TBC1D14: variants seen among roughly 807,000 people sequenced by gnomAD.
The protein encoded by TBC1D14 is TBC1 domain family, member 14.
TBC1D14 carries 26 observed loss-of-function variants against 79.0 expected under a neutral mutation model. The ratio of observed to expected loss-of-function variants is 0.33; its 90% CI spans 0.24 to 0.46. The LOEUF (loss-of-function observed/expected upper bound fraction) is 0.46, where lower values mean the gene tolerates loss of function less well. Ranked by LOEUF, TBC1D14 falls within the 20% of genes least tolerant of loss-of-function variation. The pLI, the probability that TBC1D14 is intolerant of heterozygous loss-of-function variation, is 1.00. For missense variants in TBC1D14, 769 were observed against 887.6 expected (o/e 0.87, Z 1.70); for synonymous variants, 394 against 349.9 (o/e 1.13, Z -1.40).
intron 2 of TBC1D14, among the ~76,000 whole-genome samples, chr4:6,939,239 T>TCCTCCTGCAGGCCTGGAGACC (rs1712653778): frequency 6.6e-6 from 1 of 152,078 alleles, no homozygotes; most frequent in South Asian, 2.1e-4. Context: ...GTCCCTGCTG[T>TCCTCCTGCAGGCCTGGAGACC]CCTCCTGCAG....
chr4:6,954,337 A>G (rs1338063606), intron 2 of TBC1D14: 2 of 717,482 alleles, frequency 2.8e-6, no homozygotes, highest in Admixed American at 4.0e-5. Context: ...GTTCATGGAC[A>G]GGTTTGTGGC....
At chr4:6,957,715 C>G (rs919331837) in intron 2 of TBC1D14, among the ~76,000 whole-genome samples, 1 of 152,166 alleles carries the variant, frequency 6.6e-6, no homozygotes, top group African/African-American at 2.4e-5. Context: ...AGTTCGAGAC[C>G]GGCCTGGGCC....
chr4:6,960,021 C>T (rs56178503), intron 2 of TBC1D14, among the ~76,000 whole-genome samples: 16,282 of 151,052 alleles, frequency 0.11, 1,549 homozygotes, highest in African/African-American at 0.25. Flanking sequence ...TTGCATGGCT[C>T]AGAAATCAAA....
rs1332435149 is a variant in TBC1D14, at chr4:7,010,535, G to A, written c.1519-118G>A. The A allele has an allele frequency of 7.9e-6, 10 of 1,267,108 alleles. No individual in the cohort carries two copies. In the East Asian group the frequency reaches 2.5e-4, roughly 32 times the overall value. 78.5% of individuals were successfully genotyped at this position (1,267,108 alleles called of 1,614,324 possible). On this transcript the variant is annotated intron_variant, in intron 10 of 13. Coordinates refer to ENST00000409757, the MANE Select transcript of TBC1D14 (RefSeq NM_020773.3). The stretch of plus-strand genomic sequence containing the variant: ...CAGCGTTGGGTGGCCGGAGGAGTGG[G>A]GCGGCTCTAGGGACACTTCTAGTGT...
intron 5 of TBC1D14, among the ~76,000 whole-genome samples, chr4:6,998,530 T>C (rs1211710405): frequency 2.0e-5 from 3 of 150,750 alleles, no homozygotes; most frequent in Non-Finnish European, 4.4e-5. Flanking sequence ...GTAACAATTG[T>C]GTTCTTTTTT....
intron 2 of TBC1D14, among the ~76,000 whole-genome samples, chr4:6,939,008 C>T (rs1177087258): frequency 6.6e-6 from 1 of 152,210 alleles, no homozygotes; most frequent in Non-Finnish European, 1.5e-5. Flanking sequence ...TGGGAAAGCA[C>T]CGTGGACACC....
chr4:6,930,620 A>G (rs1373581434), intron 2 of TBC1D14, among the ~76,000 whole-genome samples: 1 of 152,076 alleles, frequency 6.6e-6, no homozygotes, highest in Admixed American at 6.6e-5. Flanking sequence ...TAACATGGCG[A>G]AACTCCATCT....
At chr4:6,963,375 C>G (rs1715414387) in intron 2 of TBC1D14, among the ~76,000 whole-genome samples, 2 of 152,238 alleles carry the variant, frequency 1.3e-5, no homozygotes, top group Admixed American at 6.5e-5. Flanking sequence ...CTGCTGGACT[C>G]CGGAGCAGCA....
chr4:7,014,059 T>A (rs1489522614), intron 11 of TBC1D14, among the ~76,000 whole-genome samples: 1 of 152,208 alleles, frequency 6.6e-6, no homozygotes, highest in African/African-American at 2.4e-5. Flanking sequence ...TCCAGATACT[T>A]TTACACGTTC....
chr4:7,030,256 C>A, intron 13 of TBC1D14, 71 bp from the exon 14 acceptor site: 1 of 1,498,898 alleles, frequency 6.7e-7, no homozygotes, highest in Non-Finnish European at 9.3e-7. Flanking sequence ...CTACTGCTGT[C>A]TCTGCTTCGC....
Position 7,010,655 on chromosome 4 carries a change from C to G in TBC1D14, c.1521C>G (p.Val507=). 6.2e-7 allele frequency: 1 copy of G among 1,613,144 alleles called. No homozygotes were observed. Among genetic ancestry groups the G allele is most frequent in the Non-Finnish European group, 8.5e-7 (1 of 1,179,616 alleles). The change falls in exon 11 of 14, where the codon GTC becomes GTG. Residue 507 remains valine (V), a splice_region_variant and synonymous_variant. Transcript: ENST00000409757. ...CGTGCCTTTCTCTCCTCTCTCAGGT[C>G]CAGGGCATGTCCTTCATAGCAGCAG... ...YTCYRPDVGY[V]QGMSFIAAVL...
At chr4:7,014,355 T>C in intron 11 of TBC1D14, 93 bp from the exon 12 acceptor site, 2 of 742,682 alleles carry the variant, frequency 2.7e-6, no homozygotes, top group South Asian at 3.2e-5. Flanking sequence ...AGAAGGTAAT[T>C]GTTAGAGTCT....
At chr4:6,983,484 G>A (rs1303738602) in intron 3 of TBC1D14, among the ~76,000 whole-genome samples, 11 of 152,136 alleles carry the variant, frequency 7.2e-5, no homozygotes, top group Non-Finnish European at 1.3e-4. Flanking sequence ...GCTGGTGACC[G>A]AGTTGAAAGC....
Position 6,976,300 on chromosome 4 carries a change from A to G in TBC1D14, c.843+8876A>G, listed in dbSNP as rs931868379. Among the ~76,000 whole-genome samples the G allele has an allele frequency of 4.6e-5, 7 of 152,252 alleles. No individual in the cohort carries two copies. In the East Asian group the frequency reaches 1.3e-3, roughly 29 times the overall value. ...ATATCTCCCACATTTAGCAAAAGAT[A>G]GAAACCTATAGATTCAGGAAATTCA... On this transcript the variant is annotated intron_variant, in intron 3 of 13. Transcript: ENST00000409757.
At position 7,014,465 on chromosome 4, in the gene TBC1D14, T is replaced by G; in HGVS notation, c.1665T>G (p.Ala555=). The change falls in exon 12 of 14, where the codon GCT becomes GCG. Residue 555 remains alanine (A), a synonymous_variant. Transcript: ENST00000409757. ...CTCCCTAGATGTTGACTTATTTTGC[T>G]GCATTTGAAGTATTCTTTGAAGAAA... The part of the protein sequence containing the change: ...VDHGLMLTYF[A]AFEVFFEENL... The G allele has an allele frequency of 6.2e-7, 1 of 1,613,404 alleles. No individual in the cohort carries two copies. The highest frequency in any genetic ancestry group is 1.3e-5 in the African/African-American group (1 of 75,084).
At position 7,025,217 on chromosome 4, in the gene TBC1D14, C is replaced by T; in HGVS notation, c.1971C>T (p.Ser657=). 1.2e-6 allele frequency: 2 copies of T among 1,614,274 alleles called. No individual in the cohort carries two copies. The highest frequency in any genetic ancestry group is 2.7e-5 in the African/African-American group (2 of 75,066). ...TGCCCGCCGAGGAGCTGTTTGCCTC[C>T]ATCGCCACGATCCAGATGCAGAGCC... ...EDLPAEELFA[S]IATIQMQSRN... is the part of the protein sequence containing the mutation. The change falls in exon 13 of 14, where the codon TCC becomes TCT. Residue 657 remains serine, a synonymous_variant. Transcript: ENST00000409757.
intron 2 of TBC1D14, among the ~76,000 whole-genome samples, chr4:6,950,644 T>A (rs1165791180): frequency 6.6e-6 from 1 of 152,238 alleles, no homozygotes; most frequent in Non-Finnish European, 1.5e-5. Flanking sequence ...TTATGACTGT[T>A]GTATTTTATT....
chr4:6,935,523 C>T (rs1712224833), intron 2 of TBC1D14, among the ~76,000 whole-genome samples: 2 of 151,962 alleles, frequency 1.3e-5, no homozygotes, highest in African/African-American at 2.4e-5. Context: ...CGTGCTCTCT[C>T]CCTCTCCTTC....
At chr4:6,987,570 CTT>C (rs1282446299) in intron 3 of TBC1D14, 1 of 406,788 alleles carries the variant, frequency 2.5e-6, no homozygotes, top group African/African-American at 2.1e-5. Context: ...CCCTGGTACT[CTT>C]TGTGTCTGTG....
Sources: gnomAD v4.1 joint callset for allele counts (sites outside exome capture counted in the v4.1 genomes callset) on GRCh38, gnomAD v4.1.1 for gene constraint, MANE v1.5 for transcripts, NCBI Gene and HGNC (gene_info 2026-07-23, HGNC 2026-07-21) for gene names.